STK3: variants seen among roughly 807,000 people sequenced by gnomAD.
STK3 encodes serine/threonine kinase 3.
STK3 carries 41 observed loss-of-function variants against 58.0 expected under a neutral mutation model. That is an observed-to-expected ratio of 0.71 (90% confidence interval 0.55 to 0.92). The LOEUF (loss-of-function observed/expected upper bound fraction) is 0.92. Among genes scored for constraint, STK3 ranks in the 40% least tolerant of loss-of-function variants. STK3 has a pLI of 0.00. For missense variants in STK3, 479 were observed against 602.7 expected, an observed-to-expected ratio of 0.79 and a Z score of 2.15; for synonymous variants, 170 against 191.0, an observed-to-expected ratio of 0.89 and a Z score of 0.91.
At chr8:98,417,597 G>T (rs899957605) in intron 3 of STK3, among the ~76,000 whole-genome samples, 2 of 152,140 alleles carry the variant, frequency 1.3e-5, no homozygotes, top group Non-Finnish European at 2.9e-5. Flanking sequence ...TCTATCATTG[G>T]TGAGTTCTGT....
Position 98,935,868 on chromosome 8 carries a change from A to G in STK3, c.-79+6510T>C, listed in dbSNP as rs183854308. ...TGGGTAAGAAAAAGTCATAACTACT[A>G]AGAGCATTAATATGGATCCATGTTA... On this transcript the variant is annotated intron_variant, in intron 1 of 1. Transcript: ENST00000519420. 1.6e-4 allele frequency among the ~76,000 whole-genome samples: 24 copies of G among 152,232 alleles called. No homozygotes were observed. The East Asian group carries it at 4.4e-3, about 28-fold the overall frequency.
At chr8:98,666,174 T>C (rs1822346755) in intron 6 of STK3, among the ~76,000 whole-genome samples, 2 of 151,296 alleles carry the variant, frequency 1.3e-5, no homozygotes, top group Non-Finnish European at 2.9e-5. Flanking sequence ...CTTGACACAA[T>C]GGTTTTTGTA....
At chr8:98,348,009 A>G in the STK3 span, among the ~76,000 whole-genome samples, 1 of 152,238 alleles carries the variant, frequency 6.6e-6, no homozygotes, top group African/African-American at 2.4e-5. Context: ...TAACTTCAAG[A>G]CTTACTATAA....
At chr8:98,904,150 C>A (rs934593483) in intron 1 of STK3, among the ~76,000 whole-genome samples, 8 of 152,154 alleles carry the variant, frequency 5.3e-5, no homozygotes, top group African/African-American at 1.9e-4. Flanking sequence ...ATGGTCCTAG[C>A]AATTTCAGAA....
chr8:98,740,673 G>T lies in STK3; in HGVS notation c.351+8603C>A, dbSNP rs184982983. Among the ~76,000 whole-genome samples the T allele has an allele frequency of 8.6e-3, 1,306 of 152,294 alleles. 10 individuals carry two copies. Among genetic ancestry groups the T allele is most frequent in the African/African-American group, 0.03 (1,230 of 41,552 alleles). On this transcript the variant is annotated intron_variant, in intron 4 of 10. Coordinates refer to ENST00000419617, the MANE Select transcript of STK3 (RefSeq NM_006281.4). ...TTGTAAAGACCATCGAGGCTAGGAA[G>T]AAACGGTATCAACTAATGAGCAAAA...
chr8:98,744,440 A>G (rs1789490053), intron 4 of STK3, among the ~76,000 whole-genome samples: 1 of 151,894 alleles, frequency 6.6e-6, no homozygotes, highest in African/African-American at 2.4e-5. Flanking sequence ...AGGGACATGG[A>G]TGAAATTGGA....
At chr8:98,564,606 T>C (rs903255675) in intron 8 of STK3, among the ~76,000 whole-genome samples, 1 of 152,110 alleles carries the variant, frequency 6.6e-6, no homozygotes, top group African/African-American at 2.4e-5. Flanking sequence ...TATTTCAAAA[T>C]GGCAGAAGAT....
upstream of STK3, among the ~76,000 whole-genome samples, chr8:98,392,947 C>T (rs1817861969): frequency 6.6e-6 from 1 of 152,178 alleles, no homozygotes; most frequent in Non-Finnish European, 1.5e-5. Context: ...GAGGCAGAAC[C>T]TAGCACTCAG....
chr8:98,373,610 C>G (rs1280675919), intron 2 of STK3, among the ~76,000 whole-genome samples: 1 of 152,208 alleles, frequency 6.6e-6, no homozygotes, highest in Non-Finnish European at 1.5e-5. Context: ...GTAATGGACC[C>G]AGGACTGAAC....
At chr8:98,396,935 T>C (rs959279663), downstream of STK3, among the ~76,000 whole-genome samples, 1 of 152,200 alleles carries the variant, frequency 6.6e-6, no homozygotes, top group South Asian at 2.1e-4. Context: ...AAGTTCTTTG[T>C]GAATATTAAT....
downstream of STK3, chr8:98,879,948 T>G (rs558501139): frequency 6.6e-6 from 1 of 152,306 alleles, no homozygotes; most frequent in South Asian, 2.1e-4. Flanking sequence ...TTGTCTAACA[T>G]CATTTCCATA....
chr8:98,826,046 G>A (rs1271600293), upstream of STK3, among the ~76,000 whole-genome samples: 1 of 151,950 alleles, frequency 6.6e-6, no homozygotes, highest in Non-Finnish European at 1.5e-5. Context: ...CCGTGACCGG[G>A]AAAAGGAGAA....
At chr8:98,538,633 A>T (rs1809981398) in intron 9 of STK3, among the ~76,000 whole-genome samples, 1 of 152,214 alleles carries the variant, frequency 6.6e-6, no homozygotes, top group Non-Finnish European at 1.5e-5. Context: ...AGTAATGAAT[A>T]TTGTAATGGT....
chr8:98,747,588 A>G (rs1829723421), intron 4 of STK3, among the ~76,000 whole-genome samples: 2 of 152,352 alleles, frequency 1.3e-5, no homozygotes, highest in South Asian at 2.1e-4. Context: ...ACGTATCTTT[A>G]TATTATTAAC....
intron 7 of STK3, among the ~76,000 whole-genome samples, chr8:98,584,315 T>C (rs1814260304): frequency 6.6e-6 from 1 of 151,640 alleles, no homozygotes; most frequent in Non-Finnish European, 1.5e-5. Context: ...GATCTCATTG[T>C]TCAATTCCCA....
At chr8:98,583,775 T>C (rs750310375) in intron 7 of STK3, among the ~76,000 whole-genome samples, 15 of 152,120 alleles carry the variant, frequency 9.9e-5, no homozygotes, top group Non-Finnish European at 7.3e-5. Context: ...ATTCATAGTC[T>C]ATATTAGTTT....
At chr8:98,689,752 C>T (rs1009427835) in intron 6 of STK3, among the ~76,000 whole-genome samples, 1 of 152,034 alleles carries the variant, frequency 6.6e-6, no homozygotes, top group Non-Finnish European at 1.5e-5. Context: ...CACTGCACCC[C>T]AGCCTGGATG....
intron 3 of STK3, chr8:98,429,264 A>C (rs1818294460): frequency 6.2e-7 from 1 of 1,614,094 alleles, no homozygotes; most frequent in Non-Finnish European, 8.5e-7. Context: ...TGCCATGCGC[A>C]GCTGTGACTT....
At chr8:98,896,330 G>T (rs528042054) in intron 1 of STK3, among the ~76,000 whole-genome samples, 1 of 152,144 alleles carries the variant, frequency 6.6e-6, no homozygotes. Flanking sequence ...GCAAAAAACT[G>T]TTTCTTCAAA....
Sources: allele counts gnomAD v4.1 joint callset (sites outside exome capture counted in the v4.1 genomes callset), GRCh38; gene constraint gnomAD v4.1.1; transcripts MANE v1.5; gene names NCBI Gene and HGNC (gene_info 2026-07-23, HGNC 2026-07-21).